ZNF705B: variants seen among roughly 807,000 people sequenced by gnomAD.
ZNF705B encodes the protein Putative zinc finger protein 705D-like protein LOC100132396.
A neutral mutation model predicts 10.5 loss-of-function variants in ZNF705B; 1 was observed. That is an observed-to-expected ratio of 0.10 (90% CI 0.03 to 0.45). The LOEUF (loss-of-function observed/expected upper bound fraction) is 0.45. ZNF705B is among the 20% of genes least tolerant of loss of function. The pLI is 0.97. For synonymous variants in ZNF705B, 4 were observed against 25.4 expected, an observed-to-expected ratio of 0.16 and a Z score of 2.53; for missense variants, 14 against 84.0, an observed-to-expected ratio of 0.17 and a Z score of 3.26.
rs530955009 is a variant in ZNF705B, at chr8:7,929,523, C to T, written c.-221-764C>T. Reference sequence around the variant, plus strand: ...AGAGCCATAAGCAGAAATGAAAATCCACCAGAAAATGCAAAATTATTGTGA... The same window carrying T: ...AGAGCCATAAGCAGAAATGAAAATCTACCAGAAAATGCAAAATTATTGTGA... On this transcript the variant is annotated intron_variant, in intron 1 of 6. Coordinates refer to ENST00000400120, the MANE Select transcript of ZNF705B (RefSeq NM_001193630.1). Among the ~76,000 whole-genome samples the T allele has an allele frequency of 4.5e-3, 543 of 120,814 alleles. 19 individuals are homozygous for T. Among genetic ancestry groups the T allele is most frequent in the African/African-American group, 0.013 (507 of 39,660 alleles). The allele number at this position is 120,814 out of a possible 152,430, so 79.3% of individuals were successfully genotyped here. A position where few individuals can be genotyped will look rare whatever the true frequency, so the allele number is the denominator to read the frequency against.
intron 2 of ZNF705B, among the ~76,000 whole-genome samples, chr8:7,932,733 G>T (rs1212476306): frequency 8.5e-6 from 1 of 117,880 alleles, no homozygotes; most frequent in African/African-American, 2.5e-5. Flanking sequence ...ACTTAACATT[G>T]TTTCTTGGCC....
intron 2 of ZNF705B, among the ~76,000 whole-genome samples, chr8:7,932,985 A>C (rs1301229105): frequency 1.7e-5 from 2 of 115,748 alleles, no homozygotes; most frequent in Non-Finnish European, 4.1e-5. Flanking sequence ...TCTCCCGCCA[A>C]AGCTATCCAC....
At chr8:7,932,765 A>T (rs1481795417) in intron 2 of ZNF705B, among the ~76,000 whole-genome samples, 1 of 115,700 alleles carries the variant, frequency 8.6e-6, no homozygotes, top group African/African-American at 2.6e-5. Context: ...AGTGAAAAAT[A>T]AAATCCAGCT....
At chr8:7,933,938 T>C (rs866185255) in intron 2 of ZNF705B, among the ~76,000 whole-genome samples, 3,822 of 48,030 alleles carry the variant, frequency 0.08, 26 homozygotes, top group Non-Finnish European at 0.13. Flanking sequence ...ACTTTTTTTT[T>C]TTTTTTTTTT....
intron 2 of ZNF705B, among the ~76,000 whole-genome samples, chr8:7,937,711 T>C (rs2128943847): frequency 9.3e-6 from 1 of 107,156 alleles, no homozygotes; most frequent in East Asian, 2.7e-4. Flanking sequence ...CGATGTTGTG[T>C]GCTACCGAGT....
At chr8:7,932,877 T>C (rs1228595431) in intron 2 of ZNF705B, among the ~76,000 whole-genome samples, 1 of 104,538 alleles carries the variant, frequency 9.6e-6, no homozygotes, top group African/African-American at 2.7e-5. Flanking sequence ...GAGAATCTCT[T>C]CACACAAAGC....
chr8:7,927,373 G>T (rs1366957856), intron 1 of ZNF705B, among the ~76,000 whole-genome samples: 2 of 121,094 alleles, frequency 1.7e-5, no homozygotes, highest in African/African-American at 2.5e-5. Flanking sequence ...TGACTTAAAA[G>T]TTCCTCTTAC....
chr8:7,935,313 C>G (rs1584999783), intron 2 of ZNF705B, among the ~76,000 whole-genome samples: 1 of 146,314 alleles, frequency 6.8e-6, no homozygotes, highest in African/African-American at 2.4e-5. Context: ...TTCTTAAAGG[C>G]TCAAAAACTA....
At chr8:7,928,694 G>A (rs1355125327) in intron 1 of ZNF705B, among the ~76,000 whole-genome samples, 1 of 86,154 alleles carries the variant, frequency 1.2e-5, no homozygotes, top group Non-Finnish European at 2.8e-5. Flanking sequence ...TGTAATCTAT[G>A]CAGAAGTTTG....
Position 7,928,088 on chromosome 8 carries a change from CA to C in ZNF705B, c.-222+1693del, listed in dbSNP as rs1450684503. 6.7e-4 allele frequency among the ~76,000 whole-genome samples: 80 copies of C among 119,664 alleles called. 1 individual carries two copies. Among genetic ancestry groups the C allele is most frequent in the African/African-American group, 2.0e-3 (79 of 39,286 alleles). 78.5% of individuals were successfully genotyped at this position (119,664 alleles called of 152,430 possible). A position where few individuals can be genotyped will look rare whatever the true frequency, so the allele number is the denominator to read the frequency against. ...GTTCTCGAGGTTGGAAGTCCAAGAT[CA>C]AGACACCGGCATAGGTGTCTGGAGA... On this transcript the variant is annotated intron_variant, in intron 1 of 6. Coordinates refer to ENST00000400120, the MANE Select transcript of ZNF705B (RefSeq NM_001193630.1).
chr8:7,937,237 C>T (rs1820041126), intron 2 of ZNF705B, among the ~76,000 whole-genome samples: 1 of 118,814 alleles, frequency 8.4e-6, no homozygotes, highest in Non-Finnish European at 2.0e-5. Context: ...ATTTTCCACT[C>T]TTGCCCTCTC....
chr8:7,940,838 C>A (rs1358165969), intron 2 of ZNF705B, among the ~76,000 whole-genome samples: 18 of 140,684 alleles, frequency 1.3e-4, no homozygotes, highest in Non-Finnish European at 2.5e-4. Flanking sequence ...TGATACTCTC[C>A]CTCCACCTGC....
intron 1 of ZNF705B, among the ~76,000 whole-genome samples, chr8:7,928,019 T>C (rs1378078139): frequency 7.5e-6 from 1 of 133,196 alleles, no homozygotes; most frequent in African/African-American, 2.5e-5. Flanking sequence ...TAAAAAGTAA[T>C]ATAAACAGGG....
At chr8:7,937,435 T>A (rs1820045912) in intron 2 of ZNF705B, among the ~76,000 whole-genome samples, 1 of 106,066 alleles carries the variant, frequency 9.4e-6, no homozygotes, top group African/African-American at 2.7e-5. Context: ...GCCTGTGCTG[T>A]TCTATCCAAT....
chr8:7,927,662 G>C (rs1250932727), intron 1 of ZNF705B, among the ~76,000 whole-genome samples: 1 of 130,794 alleles, frequency 7.6e-6, no homozygotes, highest in African/African-American at 2.5e-5. Context: ...GGAGACACTG[G>C]AGCTTTGAAA....
chr8:7,929,590 A>C (rs545175259), intron 1 of ZNF705B, among the ~76,000 whole-genome samples: 1 of 123,732 alleles, frequency 8.1e-6, no homozygotes, highest in African/African-American at 2.5e-5. Flanking sequence ...ATCTGTAATC[A>C]TGAGTCCATA....
chr8:7,928,864 A>C (rs1310319339), intron 1 of ZNF705B, among the ~76,000 whole-genome samples: 1 of 106,166 alleles, frequency 9.4e-6, no homozygotes, highest in Non-Finnish European at 2.3e-5. Flanking sequence ...CCAAAAAACC[A>C]AGTGCTCTCA....
In ZNF705B at chr8:7,948,163, A is replaced by G. The variant is rs374827074; in HGVS notation, c.12+730A>G. Among the ~76,000 whole-genome samples, 141 of 26,180 alleles carry G rather than the reference A, an allele frequency of 5.4e-3. 11 individuals carry two copies. The highest frequency in any genetic ancestry group is 0.018 in the East Asian group (9 of 506). The allele number at this position is 26,180 out of a possible 152,430, so 17.2% of individuals were successfully genotyped here. On this transcript the variant is annotated intron_variant, in intron 3 of 6. Coordinates refer to ENST00000400120, the MANE Select transcript of ZNF705B (RefSeq NM_001193630.1). ...TAATTATGGTTGCACACTCAGAAGA[A>G]GGAATATAGTAGATAGAGTACAATT...
rs1490698389 is a variant in ZNF705B, at chr8:7,937,596, T to TA, written c.-72+7168dup. On this transcript the variant is annotated intron_variant, in intron 2 of 6. Coordinates refer to ENST00000400120, the MANE Select transcript of ZNF705B (RefSeq NM_001193630.1). ...ATATTTTAAAATATTTTTAACTGAT[T>TA]AAAAAAAATCAAACCCATGTATTTA... Among the ~76,000 whole-genome samples the TA allele has an allele frequency of 6.0e-3, 721 of 121,154 alleles. 22 individuals are homozygous for TA. The highest frequency in any genetic ancestry group is 0.017 in the African/African-American group (666 of 38,964). 79.5% of individuals were successfully genotyped at this position (121,154 alleles called of 152,430 possible).
Sources: gnomAD v4.1 joint callset for allele counts (sites outside exome capture counted in the v4.1 genomes callset) on GRCh38, gnomAD v4.1.1 for gene constraint, MANE v1.5 for transcripts, NCBI Gene and HGNC (gene_info 2026-07-23, HGNC 2026-07-21) for gene names.